The following LDB1 variants were observed in gnomAD, a reference collection of about 807,000 sequenced individuals.
LDB1 encodes the protein LIM domain binding 1.
LDB1 carries 6 observed loss-of-function variants against 49.7 expected under a neutral mutation model. That is an observed-to-expected ratio of 0.12 (90% CI 0.07 to 0.24). The LOEUF (loss-of-function observed/expected upper bound fraction) is 0.24. LDB1 is among the 10% of genes least tolerant of loss of function. LDB1 has a pLI of 1.00. For missense variants in LDB1, 341 were observed against 561.7 expected, an observed-to-expected ratio of 0.61 and a Z score of 3.97; for synonymous variants, 233 against 202.0, an observed-to-expected ratio of 1.15 and a Z score of -1.30.
downstream of LDB1, among the ~76,000 whole-genome samples, chr10:102,105,417 G>A (rs1188446944): frequency 1.3e-5 from 2 of 152,236 alleles, no homozygotes; most frequent in African/African-American, 2.4e-5. Context: ...AGGGAGGTGA[G>A]GGTAGAGGTG....
rs2068169862 is a variant in LDB1 at position 102,106,923 on chromosome 10, T to G, written c.*1170A>C. 6.6e-6 allele frequency among the ~76,000 whole-genome samples: 1 copy of G among 152,090 alleles called. No individual in the cohort carries two copies. Among genetic ancestry groups the G allele is most frequent in the South Asian group, 2.1e-4 (1 of 4,826 alleles). Reference sequence around the variant, plus strand: ...GAAGACCCTCTACCTCTACCTCACCTATGGGGACAGAGGCCTGTTCCTCCC... The same window carrying G: ...GAAGACCCTCTACCTCTACCTCACCGATGGGGACAGAGGCCTGTTCCTCCC... On this transcript the variant is annotated 3_prime_UTR_variant, in exon 11 of 11. Transcript: ENST00000673968.
chr10:102,110,907 G>C lies in LDB1; in HGVS notation c.314C>G (p.Thr105Ser), dbSNP rs749326604. ...TCCATCCTCCAGGCAGAAAGTGATG[G>C]TCAACATGGCATCATCCTCAAAGAA... ...TEFFEDDAML[T>S]ITFCLEDGPK... Residue 105 changes from threonine (T) to serine (S), a missense_variant, in exon 5 of 11, where the codon ACC becomes AGC. Around this residue, in one of 5 missense-constraint regions of LDB1, gnomAD observed 233 missense variants for 385.7 expected, o/e 0.60. Coordinates refer to ENST00000673968, the MANE Select transcript of LDB1 (RefSeq NM_001113407.3). 6.2e-7 allele frequency: 1 copy of C among 1,614,086 alleles called. No homozygotes were observed. Among genetic ancestry groups the C allele is most frequent in the Non-Finnish European group, 8.5e-7 (1 of 1,180,002 alleles).
chr10:102,106,462 A>G (rs926377331), downstream of LDB1, among the ~76,000 whole-genome samples: 1 of 141,320 alleles, frequency 7.1e-6, no homozygotes, highest in Non-Finnish European at 1.5e-5. Context: ...AGTCATTATT[A>G]GGCATCAATG....
downstream of LDB1, among the ~76,000 whole-genome samples, chr10:102,106,169 C>A (rs988056240): frequency 6.6e-6 from 1 of 152,018 alleles, no homozygotes; most frequent in Non-Finnish European, 1.5e-5. Context: ...GAACCTGCCC[C>A]AGGAGGGCCA....
chr10:102,116,212 C>G (rs779969412), intron 1 of LDB1, among the ~76,000 whole-genome samples: 2 of 152,166 alleles, frequency 1.3e-5, no homozygotes, highest in Non-Finnish European at 2.9e-5. Context: ...GACGGAGTCT[C>G]GCTCTGTTGC....
chr10:102,104,794 C>T (rs1306926234), downstream of LDB1, among the ~76,000 whole-genome samples: 1 of 152,164 alleles, frequency 6.6e-6, no homozygotes, highest in Non-Finnish European at 1.5e-5. Context: ...ACCACTGTCC[C>T]AGCAGCCCCA....
downstream of LDB1, among the ~76,000 whole-genome samples, chr10:102,104,287 A>G (rs1035596908): frequency 7.2e-5 from 11 of 152,170 alleles, no homozygotes; most frequent in African/African-American, 1.7e-4. Context: ...GCTGGGGTAC[A>G]TGGTCAGACT....
chr10:102,120,497 C>T, upstream of LDB1: 1 of 487,532 alleles, frequency 2.1e-6, no homozygotes, highest in African/African-American at 2.1e-5. Context: ...CAGCCCAAGC[C>T]GGGCAGGGCC....
In LDB1 at chr10:102,109,982, G is replaced by A; in HGVS notation, c.587C>T (p.Thr196Met). ...GTGCTGCCGGATGCTGAAGTGCCAC[G>A]TCTTTATCCGCATCATGTCGTCAAA... ...FMFDDMMRIK[T>M]WHFSIRQHRE... Residue 196 changes from threonine (T) to methionine (M), a missense_variant, in exon 7 of 11, where the codon ACG becomes ATG. Transcript: ENST00000673968. This position sits in a 1 kb window ranked among gnomAD's most constrained non-coding sequence, Gnocchi z 5.8. The A allele has an allele frequency of 1.2e-6, 2 of 1,612,978 alleles. No homozygotes were observed. The highest frequency in any genetic ancestry group is 1.1e-5 in the South Asian group (1 of 91,042).
chr10:102,116,251 G>A (rs796912500), intron 1 of LDB1, among the ~76,000 whole-genome samples: 2 of 152,072 alleles, frequency 1.3e-5, no homozygotes, highest in Non-Finnish European at 2.9e-5. Flanking sequence ...GCGCGATCTC[G>A]GCTCACTGCA....
intron 5 of LDB1, 45 bp from the exon 6 acceptor site, chr10:102,110,746 G>A (rs776408210): frequency 3.1e-6 from 5 of 1,598,752 alleles, no homozygotes; most frequent in African/African-American, 2.7e-5. Context: ...GACCGCAAAA[G>A]GGGCCAGGCA....
chr10:102,116,341 C>A (rs2068336266), intron 1 of LDB1, among the ~76,000 whole-genome samples: 1 of 152,142 alleles, frequency 6.6e-6, no homozygotes, highest in Non-Finnish European at 1.5e-5. Context: ...GCCACCACAC[C>A]CAGCTAATTT....
Position 102,109,084 on chromosome 10 carries a change from C to G in LDB1, c.950G>C (p.Ser317Thr). ...MSSGGGNTNN[S>T]NSKKKSPAST... ...AGCTGGGCTCTTCTTCTTGCTGTTG[C>G]TGTTGTTGGTGTTGCCACCACCAGA... Residue 317 changes from serine (S) to threonine (T), a missense_variant, in exon 10 of 11, where the codon AGC (serine) becomes ACC (threonine). Ser to Thr is a moderately conservative substitution (Grantham distance 58). Transcript: ENST00000673968. This position sits in a 1 kb window ranked among gnomAD's most constrained non-coding sequence, Gnocchi z 5.8. 6.2e-7 allele frequency: 1 copy of G among 1,614,194 alleles called. No individual in the cohort carries two copies. Among genetic ancestry groups the G allele is most frequent in the Non-Finnish European group, 8.5e-7 (1 of 1,180,030 alleles).
chr10:102,114,377 C>A (rs1228132330), intron 1 of LDB1: 1 of 986,236 alleles, frequency 1.0e-6, no homozygotes, highest in South Asian at 4.7e-5. Context: ...CGCCCACCCC[C>A]AACAGGCTCG....
At position 102,109,366 on chromosome 10, in the gene LDB1, C is replaced by T; in HGVS notation, c.856+18G>A. ...GAGCGGTGTGAGATCCTGGTAAGAG[C>T]AGGTGCAAGGCACTCACCAGGGGGT... On this transcript the variant is annotated intron_variant, in intron 9 of 10. Transcript: ENST00000673968. The surrounding 1 kb of genome is among the most constrained non-coding windows in gnomAD (Gnocchi z 5.8). 6.2e-7 allele frequency: 1 copy of T among 1,613,678 alleles called. No homozygotes were observed. The highest frequency in any genetic ancestry group is 8.5e-7 in the Non-Finnish European group (1 of 1,179,940).
chr10:102,111,226 G>C (rs1412385746), intron 3 of LDB1, 30 bp downstream of exon 3: 2 of 1,613,200 alleles, frequency 1.2e-6, no homozygotes, highest in South Asian at 1.1e-5. Context: ...CCAGTGGAAA[G>C]CACCTTCTTC....
At position 102,109,280 on chromosome 10, in the gene LDB1, G is replaced by A. The variant is rs2068215057; in HGVS notation, c.857-103C>T. 1.2e-6 allele frequency: 2 copies of A among 1,602,854 alleles called. No homozygotes were observed. Among genetic ancestry groups the A allele is most frequent in the Non-Finnish European group, 1.7e-6 (2 of 1,173,834 alleles). ...AGCCTGCCCTGATCCCAATTTTGTA[G>A]ACCCGGGAACAAGGAAGGGGTGGGG... On this transcript the variant is annotated intron_variant, in intron 9 of 10. Coordinates refer to ENST00000673968, the MANE Select transcript of LDB1 (RefSeq NM_001113407.3). The surrounding 1 kb of genome is among the most constrained non-coding windows in gnomAD (Gnocchi z 5.8).
At position 102,109,221 on chromosome 10, in the gene LDB1, C is replaced by G. The variant is rs779701088; in HGVS notation, c.857-44G>C. Reference sequence around the variant, plus strand: ...ACTCAGATGGGAGAGGGCCCCAGGTCCCCTATTCTCCATTGTGGCTCCCAA... The same window carrying G: ...ACTCAGATGGGAGAGGGCCCCAGGTGCCCTATTCTCCATTGTGGCTCCCAA... On this transcript the variant is annotated intron_variant, in intron 9 of 10. Transcript: ENST00000673968. The surrounding 1 kb of genome is among the most constrained non-coding windows in gnomAD (Gnocchi z 5.8). 1.2e-6 allele frequency: 2 copies of G among 1,611,456 alleles called. No homozygotes were observed. The highest frequency in any genetic ancestry group is 8.5e-7 in the Non-Finnish European group (1 of 1,179,402).
At chr10:102,104,814 A>G (rs945057838), downstream of LDB1, among the ~76,000 whole-genome samples, 6 of 152,112 alleles carry the variant, frequency 3.9e-5, no homozygotes, top group African/African-American at 1.4e-4. Context: ...ATAACTCAAC[A>G]CAGTCGCACT....
Sources: gnomAD v4.1 joint callset for allele counts (sites outside exome capture counted in the v4.1 genomes callset) on GRCh38, gnomAD v4.1.1 for gene constraint, gnomAD v4.1.1 regional missense constraint, Gnocchi (gnomAD v3.1) non-coding constraint, MANE v1.5 for transcripts, NCBI Gene and HGNC (gene_info 2026-07-23, HGNC 2026-07-21) for gene names.